Variants in UNC5D observed in about 807,000 individuals in gnomAD.
The protein encoded by UNC5D is netrin receptor UNC5D.
A neutral mutation model predicts 105.4 loss-of-function variants in UNC5D; 39 were observed. That is an observed-to-expected ratio of 0.37 (90% CI 0.29 to 0.48). UNC5D has a LOEUF of 0.48. Ranked by LOEUF, UNC5D falls within the 20% of genes least tolerant of loss-of-function variation. The pLI is 0.98. For synonymous variants in UNC5D, 452 were observed against 450.4 expected, an observed-to-expected ratio of 1.00 and a Z score of -0.04; for missense variants, 991 against 1,202.4, an observed-to-expected ratio of 0.82 and a Z score of 2.60.
intron 2 of UNC5D, 74 bp downstream of exon 2, chr8:35,549,584 A>C: frequency 1.4e-6 from 2 of 1,385,082 alleles, no homozygotes; most frequent in Non-Finnish European, 2.0e-6. Flanking sequence ...TCTGGGAAAG[A>C]CTGGAAATCA....
intron 4 of UNC5D, among the ~76,000 whole-genome samples, chr8:35,658,088 C>T (rs1012374335): frequency 6.6e-6 from 1 of 152,180 alleles, no homozygotes; most frequent in Admixed American, 6.5e-5. Context: ...TAATCCCTAA[C>T]AGAATTCGTA....
chr8:35,724,111 G>T, intron 9 of UNC5D: 1 of 1,395,520 alleles, frequency 7.2e-7, no homozygotes, highest in Non-Finnish European at 9.3e-7. Flanking sequence ...CAGGTGAGAA[G>T]GGTGGATCCC....
At chr8:35,478,569 T>A (rs1297470218) in intron 1 of UNC5D, among the ~76,000 whole-genome samples, 1 of 152,190 alleles carries the variant, frequency 6.6e-6, no homozygotes, top group Non-Finnish European at 1.5e-5. Flanking sequence ...TATTTATTCC[T>A]ATGAGAACAA....
At chr8:35,612,829 A>G (rs1820782034) in intron 4 of UNC5D, among the ~76,000 whole-genome samples, 1 of 144,876 alleles carries the variant, frequency 6.9e-6, no homozygotes, top group South Asian at 2.2e-4. Flanking sequence ...ACACATGGAT[A>G]TCTGTCATGT....
At position 35,748,536 on chromosome 8, in the gene UNC5D, A is replaced by C. The variant is rs756331409; in HGVS notation, c.1776A>C (p.Ser592=). 3 of 1,612,862 alleles carry C rather than the reference A, an allele frequency of 1.9e-6. No homozygotes were observed. The highest frequency in any genetic ancestry group is 2.5e-6 in the Non-Finnish European group (3 of 1,179,600). ...TTTTTCAACTGTGAAGCCTCCAGTC[A>C]GATGGCTCTGAGGTGCTCCTGAGTC... ...SINQGEPSLQ[S]DGSEVLLSPE... is the part of the protein sequence containing the mutation. Residue 592 remains serine, a synonymous_variant, in exon 12 of 17, where the codon TCA becomes TCC. Transcript: ENST00000404895.
chr8:35,259,975 G>A (rs916389759), intron 1 of UNC5D, among the ~76,000 whole-genome samples: 1 of 151,942 alleles, frequency 6.6e-6, no homozygotes, highest in African/African-American at 2.4e-5. Flanking sequence ...TTTCCCCCCA[G>A]GTTCATGCTA....
intron 8 of UNC5D, among the ~76,000 whole-genome samples, chr8:35,713,065 A>G (rs1172275532): frequency 1.3e-5 from 2 of 151,642 alleles, no homozygotes; most frequent in South Asian, 2.1e-4. Context: ...ACTATTTTCT[A>G]TTTTTTATGA....
At chr8:35,467,589 A>AAAG (rs5890814) in intron 1 of UNC5D, among the ~76,000 whole-genome samples, 36,039 of 125,480 alleles carry the variant, frequency 0.29, 5,657 homozygotes, top group African/African-American at 0.44. Flanking sequence ...AAAAAAAAAA[A>AAAG]AAGAAGAAAA....
At chr8:35,431,441 A>G (rs894477494) in intron 1 of UNC5D, among the ~76,000 whole-genome samples, 2 of 152,286 alleles carry the variant, frequency 1.3e-5, no homozygotes, top group African/African-American at 4.8e-5. Context: ...TAACTTAAAC[A>G]TTTATTTCAA....
intron 1 of UNC5D, among the ~76,000 whole-genome samples, chr8:35,466,934 G>A (rs1215905987): frequency 1.3e-5 from 2 of 152,048 alleles, no homozygotes; most frequent in African/African-American, 4.8e-5. Flanking sequence ...CAAGAAGTGA[G>A]GAGAAAATGG....
chr8:35,671,879 T>A (rs1278722806), intron 4 of UNC5D, among the ~76,000 whole-genome samples: 2 of 152,190 alleles, frequency 1.3e-5, no homozygotes, highest in Non-Finnish European at 2.9e-5. Context: ...TTAATTTTGA[T>A]AATGCTGTAA....
intron 1 of UNC5D, among the ~76,000 whole-genome samples, chr8:35,529,523 G>C (rs1181187434): frequency 7.3e-6 from 1 of 136,476 alleles, no homozygotes; most frequent in Non-Finnish European, 1.5e-5. Flanking sequence ...GATTGACTTG[G>C]CGATGCGGGC....
intron 1 of UNC5D, among the ~76,000 whole-genome samples, chr8:35,539,193 A>T (rs1241353989): frequency 6.6e-6 from 1 of 152,188 alleles, no homozygotes; most frequent in Non-Finnish European, 1.5e-5. Flanking sequence ...TCAGAAACAG[A>T]TACTAGAATG....
intron 1 of UNC5D, among the ~76,000 whole-genome samples, chr8:35,492,674 T>C (rs1811288586): frequency 1.3e-5 from 2 of 152,100 alleles, no homozygotes; most frequent in South Asian, 4.1e-4. Context: ...TGGTTGAGGC[T>C]TAAATGGGCT....
chr8:35,287,650 T>C (rs1052726988), intron 1 of UNC5D, among the ~76,000 whole-genome samples: 1 of 150,002 alleles, frequency 6.7e-6, no homozygotes, highest in Non-Finnish European at 1.5e-5. Flanking sequence ...AAAAGAAAAA[T>C]TGCAAAATTC....
At chr8:35,638,022 CTGTGG>C (rs1688730649) in intron 4 of UNC5D, among the ~76,000 whole-genome samples, 1 of 152,152 alleles carries the variant, frequency 6.6e-6, no homozygotes, top group African/African-American at 2.4e-5. Flanking sequence ...CTGAAAAAGC[CTGTGG>C]TGTGTTCTTT....
At chr8:35,717,960 G>A (rs546292494) in intron 8 of UNC5D, among the ~76,000 whole-genome samples, 3 of 152,130 alleles carry the variant, frequency 2.0e-5, no homozygotes, top group African/African-American at 4.8e-5. Context: ...TCCAGCTCTC[G>A]ATTAATCTTT....
At chr8:35,733,991 T>C (rs536982122) in intron 11 of UNC5D, among the ~76,000 whole-genome samples, 2 of 152,284 alleles carry the variant, frequency 1.3e-5, no homozygotes, top group Admixed American at 1.3e-4. Context: ...AGTGATTTTT[T>C]TTTTTCCTCC....
At chr8:35,298,586 G>GTT (rs35299004) in intron 1 of UNC5D, among the ~76,000 whole-genome samples, 35,193 of 110,200 alleles carry the variant, frequency 0.32, 5,968 homozygotes, top group Non-Finnish European at 0.4. Context: ...ATTGTTGTAG[G>GTT]TTTTTTTTTT....
Sources: gnomAD v4.1 joint callset for allele counts (sites outside exome capture counted in the v4.1 genomes callset) on GRCh38, gnomAD v4.1.1 for gene constraint, MANE v1.5 for transcripts, NCBI Gene and HGNC (gene_info 2026-07-23, HGNC 2026-07-21) for gene names.